SLCO5A1: variants seen among roughly 807,000 people sequenced by gnomAD.
SLCO5A1 encodes organic anion transporter polypeptide-related protein 4.
Under a neutral mutation model 65.1 loss-of-function variants are expected in SLCO5A1, and 39 were observed. The observed-to-expected ratio is 0.60, with a 90% CI of 0.46 to 0.78. SLCO5A1 has a LOEUF of 0.78. Among genes scored for constraint, SLCO5A1 ranks in the 30% least tolerant of loss-of-function variants. The probability of loss-of-function intolerance (pLI) is 0.00; values close to 1 mark genes in which losing one functional copy is unlikely to be tolerated. For missense variants in SLCO5A1, 1,029 were observed against 1,069.4 expected, an observed-to-expected ratio of 0.96 and a Z score of 0.53; for synonymous variants, 438 against 415.7, an observed-to-expected ratio of 1.05 and a Z score of -0.65.
At chr8:69,687,702 G>A (rs1027128845) in intron 6 of SLCO5A1, among the ~76,000 whole-genome samples, 4 of 151,858 alleles carry the variant, frequency 2.6e-5, no homozygotes, top group Non-Finnish European at 5.9e-5. Context: ...ATTTTGTTCT[G>A]GTCTTTTCTC....
chr8:69,755,616 T>A lies in SLCO5A1; in HGVS notation c.1066A>T (p.Ile356Phe), dbSNP rs1486704192. ...GGGAATATCACAAGAAACATTGCAATGGCACAAAGGAGGAATCCACTCCAC... is the reference window on the plus strand; with the variant it reads ...GGGAATATCACAAGAAACATTGCAAAGGCACAAAGGAGGAATCCACTCCAC... ...NWWSGFLLCA[I>F]AMFLVIFPMF... is the part of the protein sequence containing the mutation. The change falls in exon 4 of 10, where the codon ATT (isoleucine) becomes TTT (phenylalanine). Residue 356 changes from isoleucine to phenylalanine, a missense_variant. This residue lies in a region of SLCO5A1 where 647 missense variants were observed against 647.5 expected (regional missense o/e 1.00). Transcript: ENST00000260126. 4 of 1,613,858 alleles carry A rather than the reference T, an allele frequency of 2.5e-6. No individual in the cohort carries two copies. The highest frequency in any genetic ancestry group is 2.5e-6 in the Non-Finnish European group (3 of 1,179,942).
chr8:69,725,853 T>C (rs1388258860), intron 5 of SLCO5A1, among the ~76,000 whole-genome samples: 1 of 152,234 alleles, frequency 6.6e-6, no homozygotes, highest in East Asian at 1.9e-4. Context: ...TTTTCAGTCT[T>C]TTTGAAAAGC....
At chr8:69,684,701 C>T (rs1161936851) in intron 6 of SLCO5A1, among the ~76,000 whole-genome samples, 2 of 152,168 alleles carry the variant, frequency 1.3e-5, no homozygotes, top group Admixed American at 6.5e-5. Context: ...TCCACCTATG[C>T]TCTATGAAGG....
chr8:69,711,967 T>C (rs918251845), intron 5 of SLCO5A1, among the ~76,000 whole-genome samples: 6 of 152,244 alleles, frequency 3.9e-5, no homozygotes, highest in African/African-American at 1.4e-4. Flanking sequence ...CTATATGCTA[T>C]TTAATCTATA....
At chr8:69,673,403 G>T in intron 9 of SLCO5A1, 77 bp from the exon 10 acceptor site, 3 of 1,287,190 alleles carry the variant, frequency 2.3e-6, no homozygotes, top group Non-Finnish European at 3.3e-6. Flanking sequence ...AATTAGCAAG[G>T]TACTTGTGTG....
chr8:69,799,895 A>G lies in SLCO5A1; in HGVS notation c.907+31872T>C, dbSNP rs1196482372. On this transcript the variant is annotated intron_variant, in intron 2 of 9. Transcript: ENST00000260126. ...TGAGATTTGGGTGGGGACACAGCCA[A>G]ACCATATCAAAGGTTGATTTTCTTT... 2.0e-5 allele frequency among the ~76,000 whole-genome samples: 3 copies of G among 152,218 alleles called. No individual in the cohort carries two copies. The East Asian group carries it at 5.8e-4, about 29-fold the overall frequency.
intron 4 of SLCO5A1, among the ~76,000 whole-genome samples, chr8:69,754,064 A>G (rs1007887497): frequency 9.2e-5 from 14 of 151,866 alleles, no homozygotes; most frequent in Non-Finnish European, 1.3e-4. Flanking sequence ...ATTCTTTGAC[A>G]TCAACCTTAT....
At chr8:69,785,382 CAT>C (rs1389439746) in intron 2 of SLCO5A1, among the ~76,000 whole-genome samples, 1 of 152,154 alleles carries the variant, frequency 6.6e-6, no homozygotes, top group African/African-American at 2.4e-5. Flanking sequence ...AATTTAAAAT[CAT>C]ATCTCAATAA....
chr8:69,748,360 C>A (rs1336707933), intron 4 of SLCO5A1, among the ~76,000 whole-genome samples: 1 of 152,198 alleles, frequency 6.6e-6, no homozygotes, highest in Non-Finnish European at 1.5e-5. Context: ...AGTTATTTTG[C>A]TGAGTATAGA....
At chr8:69,703,474 A>G (rs1035896292) in intron 6 of SLCO5A1, among the ~76,000 whole-genome samples, 5 of 152,220 alleles carry the variant, frequency 3.3e-5, no homozygotes, top group Non-Finnish European at 7.3e-5. Flanking sequence ...TGTGACCGGG[A>G]GTTCAAGACC....
At chr8:69,735,364 G>A (rs1458050670) in intron 5 of SLCO5A1, among the ~76,000 whole-genome samples, 1 of 152,108 alleles carries the variant, frequency 6.6e-6, no homozygotes, top group Non-Finnish European at 1.5e-5. Flanking sequence ...TAAAATGCGT[G>A]CACACGTATG....
intron 1 of SLCO5A1, 108 bp downstream of exon 1, chr8:69,834,741 CACACA>C (rs915501637): frequency 7.2e-5 from 3 of 41,756 alleles, no homozygotes; most frequent in Non-Finnish European, 1.4e-4. Flanking sequence ...ATCCTACACA[CACACA>C]CACACACACA....
rs183847168 is a variant in SLCO5A1, at chr8:69,829,833, C to T, written c.907+1934G>A. Among the ~76,000 whole-genome samples the T allele has an allele frequency of 3.6e-3, 548 of 152,286 alleles. 3 individuals carry two copies. Among genetic ancestry groups the T allele is most frequent in the African/African-American group, 0.012 (518 of 41,558 alleles). On this transcript the variant is annotated intron_variant, in intron 2 of 9. Coordinates refer to ENST00000260126, the MANE Select transcript of SLCO5A1 (RefSeq NM_030958.3). ...AATACCCTCATTTTTAGAAGATGCT[C>T]TGGCAGTGTCTGCAATTACTTTTAG...
chr8:69,806,510 G>T (rs1819996400), intron 2 of SLCO5A1, among the ~76,000 whole-genome samples: 1 of 152,162 alleles, frequency 6.6e-6, no homozygotes, highest in Non-Finnish European at 1.5e-5. Context: ...ATCTCCACGT[G>T]TATAACATAG....
In SLCO5A1 at chr8:69,761,888, A is replaced by T. The variant is rs757872668; in HGVS notation, c.908-13T>A. ...ACATACATGATGGCTGAGAAGACAG[A>T]AGGGGAAATGTGAAATACAGCGACG... On this transcript the variant is annotated splice_polypyrimidine_tract_variant and intron_variant, in intron 2 of 9. Coordinates refer to ENST00000260126, the MANE Select transcript of SLCO5A1 (RefSeq NM_030958.3). 5 of 1,610,280 alleles carry T rather than the reference A, an allele frequency of 3.1e-6. No homozygotes were observed. The South Asian group carries it at 4.4e-5, about 14-fold the overall frequency.
Position 69,672,236 on chromosome 8 carries a change from A to AT in SLCO5A1, c.*632dup, listed in dbSNP as rs778376906. 1.3e-5 allele frequency: 2 copies of AT among 152,640 alleles called. No homozygotes were observed. The highest frequency in any genetic ancestry group is 2.9e-5 in the Non-Finnish European group (2 of 68,402). 9.5% of individuals were successfully genotyped at this position (152,640 alleles called of 1,614,324 possible). A position where few individuals can be genotyped will look rare whatever the true frequency, so the allele number is the denominator to read the frequency against. The stretch of plus-strand genomic sequence containing the variant: ...AAGTAGCTGTTCCTTCTATCACACT[A>AT]TGCCTATGGTTCCTCTGAAGCATTT... On this transcript the variant is annotated 3_prime_UTR_variant, in exon 10 of 10. Coordinates refer to ENST00000260126, the MANE Select transcript of SLCO5A1 (RefSeq NM_030958.3).
chr8:69,767,322 C>A (rs1046707167), intron 2 of SLCO5A1, among the ~76,000 whole-genome samples: 1 of 152,156 alleles, frequency 6.6e-6, no homozygotes, highest in Non-Finnish European at 1.5e-5. Flanking sequence ...TATATCTGAT[C>A]TTTTCAAGAA....
chr8:69,756,858 A>C (rs1258423004), intron 3 of SLCO5A1, among the ~76,000 whole-genome samples: 2 of 152,340 alleles, frequency 1.3e-5, no homozygotes, highest in East Asian at 3.9e-4. Context: ...TTTCCTTAGC[A>C]ATCAGAGGTC....
At chr8:69,813,316 G>T (rs933530898) in intron 2 of SLCO5A1, among the ~76,000 whole-genome samples, 1 of 152,174 alleles carries the variant, frequency 6.6e-6, no homozygotes, top group Admixed American at 6.5e-5. Flanking sequence ...ATTCCCACAT[G>T]CTAGAATGCC....
Sources: allele counts gnomAD v4.1 joint callset (sites outside exome capture counted in the v4.1 genomes callset), GRCh38; gene constraint gnomAD v4.1.1; regional missense constraint gnomAD v4.1.1; transcripts MANE v1.5; gene names NCBI Gene and HGNC (gene_info 2026-07-23, HGNC 2026-07-21).